MBP: variants seen among roughly 807,000 people sequenced by gnomAD.
The protein encoded by MBP is myelin basic protein.
A neutral mutation model predicts 35.8 loss-of-function variants in MBP; 16 were observed. The observed-to-expected ratio is 0.45, with a 90% CI of 0.30 to 0.68. MBP has a LOEUF of 0.68. Ranked by LOEUF, MBP falls within the 30% of genes least tolerant of loss-of-function variation. The pLI is 0.08. For synonymous variants in MBP, 143 were observed against 159.6 expected, an observed-to-expected ratio of 0.90 and a Z score of 0.78; for missense variants, 380 against 404.7, an observed-to-expected ratio of 0.94 and a Z score of 0.52.
intron 3 of MBP, among the ~76,000 whole-genome samples, chr18:77,028,644 G>A (rs1235899319): frequency 1.4e-5 from 1 of 70,034 alleles, no homozygotes; most frequent in Non-Finnish European, 3.5e-5. Flanking sequence ...CCTCCCTCCC[G>A]GACGGGGCAG....
intron 4 of MBP, chr18:77,010,027 A>C (rs1028028520): frequency 1.2e-6 from 1 of 824,616 alleles, no homozygotes; most frequent in Non-Finnish European, 2.0e-6. Context: ...GCTTGGCAAG[A>C]GCCCAGAGTG....
intron 2 of MBP, among the ~76,000 whole-genome samples, chr18:77,067,215 G>A (rs1056363575): frequency 3.3e-5 from 5 of 152,090 alleles, no homozygotes; most frequent in African/African-American, 9.7e-5. Flanking sequence ...ATGCCCCCCC[G>A]CCCCCTTCTG....
chr18:77,099,239 C>T (rs894591215), intron 2 of MBP, among the ~76,000 whole-genome samples: 2 of 152,196 alleles, frequency 1.3e-5, no homozygotes, highest in African/African-American at 4.8e-5. Context: ...GTGTGTTCTG[C>T]CTGGCTATAG....
At chr18:77,028,156 T>TC (rs1972302676) in intron 3 of MBP, among the ~76,000 whole-genome samples, 1 of 147,018 alleles carries the variant, frequency 6.8e-6, no homozygotes, top group Non-Finnish European at 1.5e-5. Context: ...AGTGTTTGTG[T>TC]CCCTGGGTAC....
At chr18:77,071,091 C>T (rs1974426527) in intron 2 of MBP, among the ~76,000 whole-genome samples, 1 of 152,098 alleles carries the variant, frequency 6.6e-6, no homozygotes, top group South Asian at 2.1e-4. Flanking sequence ...GGAGGAATGG[C>T]CCAGAGGGTA....
At chr18:77,046,622 C>T (rs571102787) in intron 3 of MBP, among the ~76,000 whole-genome samples, 76 of 152,344 alleles carry the variant, frequency 5.0e-4, no homozygotes, top group African/African-American at 8.4e-4. Context: ...AGGGCCGGGC[C>T]GACCCTTTCA....
intron 2 of MBP, among the ~76,000 whole-genome samples, chr18:77,097,957 C>T (rs1279315040): frequency 3.9e-5 from 6 of 152,030 alleles, no homozygotes; most frequent in South Asian, 2.1e-4. Flanking sequence ...CTTGTCTCAA[C>T]CCTGGGAAGT....
intron 3 of MBP, among the ~76,000 whole-genome samples, chr18:77,036,743 A>G (rs28879124): frequency 6.6e-5 from 8 of 121,668 alleles, no homozygotes; most frequent in East Asian, 2.7e-4. Context: ...TGCTGGTCAC[A>G]TTTTGGAGAC....
intron 3 of MBP, among the ~76,000 whole-genome samples, chr18:77,035,391 TA>T (rs1278973305): frequency 1.3e-5 from 2 of 152,246 alleles, no homozygotes; most frequent in African/African-American, 4.8e-5. Flanking sequence ...TATTTCTGAG[TA>T]AAGAAGGCTG....
intron 3 of MBP, among the ~76,000 whole-genome samples, chr18:77,041,118 G>T (rs535487793): frequency 6.6e-6 from 1 of 152,126 alleles, no homozygotes; most frequent in Non-Finnish European, 1.5e-5. Flanking sequence ...ATGGGCAAAG[G>T]ATATGAACAG....
intron 3 of MBP, among the ~76,000 whole-genome samples, chr18:77,039,005 T>A (rs1420741145): frequency 6.6e-6 from 1 of 152,222 alleles, no homozygotes; most frequent in Non-Finnish European, 1.5e-5. Flanking sequence ...AGAATATTTT[T>A]TTACCTTCTA....
At chr18:77,078,444 G>A (rs1974750350) in intron 2 of MBP, among the ~76,000 whole-genome samples, 1 of 152,202 alleles carries the variant, frequency 6.6e-6, no homozygotes, top group Non-Finnish European at 1.5e-5. Flanking sequence ...AAGTCCTCCT[G>A]TGACAACTTC....
rs1407262865 is a variant in MBP at position 76,988,287 on chromosome 18, C to A, written c.750+208G>T. 9 of 1,552,858 alleles carry A rather than the reference C, an allele frequency of 5.8e-6. No individual in the cohort carries two copies. The highest frequency in any genetic ancestry group is 1.7e-4 in the Middle Eastern group (1 of 5,994). On this transcript the variant is annotated intron_variant, in intron 7 of 8. Transcript: ENST00000355994. This position sits in a 1 kb window ranked among gnomAD's most constrained non-coding sequence, Gnocchi z 5.2. ...CAGGGCTGGGTCCCCGGCACAGAAG[C>A]AAGAGACCAGACCTTCCGGAAGGGA...
At chr18:77,050,485 C>T (rs575173472) in intron 3 of MBP, among the ~76,000 whole-genome samples, 1 of 152,166 alleles carries the variant, frequency 6.6e-6, no homozygotes, top group Non-Finnish European at 1.5e-5. Flanking sequence ...AGGGCAGTTC[C>T]TTCTTCATTG....
chr18:77,077,567 T>C (rs1305376253), intron 2 of MBP, among the ~76,000 whole-genome samples: 1 of 152,184 alleles, frequency 6.6e-6, no homozygotes, highest in East Asian at 1.9e-4. Flanking sequence ...AGCATAGCCC[T>C]GTGGTGGGGC....
At chr18:77,008,269 A>C (rs991983923) in intron 4 of MBP, among the ~76,000 whole-genome samples, 3 of 152,024 alleles carry the variant, frequency 2.0e-5, no homozygotes, top group Non-Finnish European at 4.4e-5. Context: ...GGTGCCTCCC[A>C]GGCAGGGGCT....
At chr18:77,010,050 C>CG (rs1455201833) in intron 4 of MBP, 12 of 670,788 alleles carry the variant, frequency 1.8e-5, no homozygotes, top group African/African-American at 1.1e-4. Flanking sequence ...GAGGAGTGAG[C>CG]GGGGGGTGGA....
chr18:76,985,239 A>T (rs749152373), intron 7 of MBP: 2 of 1,368,040 alleles, frequency 1.5e-6, no homozygotes, highest in East Asian at 4.2e-5. Context: ...AAGATTAGCA[A>T]ACATCAAGCA....
At chr18:77,103,923 GC>G in intron 2 of MBP, among the ~76,000 whole-genome samples, 1 of 152,380 alleles carries the variant, frequency 6.6e-6, no homozygotes, top group East Asian at 1.9e-4. Context: ...GCGGACAATG[GC>G]AAATGCCGTG....
Sources: gnomAD v4.1 joint callset for allele counts (sites outside exome capture counted in the v4.1 genomes callset) on GRCh38, gnomAD v4.1.1 for gene constraint, Gnocchi (gnomAD v3.1) non-coding constraint, MANE v1.5 for transcripts, NCBI Gene and HGNC (gene_info 2026-07-23, HGNC 2026-07-21) for gene names.